STAU1: variants seen among roughly 807,000 people sequenced by gnomAD.
The protein encoded by STAU1 is double-stranded RNA-binding protein Staufen homolog 1.
A neutral mutation model predicts 62.9 loss-of-function variants in STAU1; 13 were observed. The observed-to-expected ratio is 0.21, with a 90% CI of 0.13 to 0.33. STAU1 has a LOEUF of 0.33. STAU1 is among the 10% of genes least tolerant of loss of function. The probability of loss-of-function intolerance (pLI) is 1.00; values close to 1 mark genes in which losing one functional copy is unlikely to be tolerated. For synonymous variants in STAU1, 269 were observed against 265.1 expected, an observed-to-expected ratio of 1.01 and a Z score of -0.14; for missense variants, 571 against 712.1, an observed-to-expected ratio of 0.80 and a Z score of 2.25.
the STAU1 span, chr20:49,219,202 C>A: frequency 4.2e-6 from 3 of 706,186 alleles, no homozygotes; most frequent in East Asian, 2.8e-5. Context: ...ATACTGCCAC[C>A]GTTTTGAGGC....
At chr20:49,136,773 C>T (rs764024590) in intron 5 of STAU1, among the ~76,000 whole-genome samples, 1 of 152,112 alleles carries the variant, frequency 6.6e-6, no homozygotes, top group Non-Finnish European at 1.5e-5. Context: ...TTTTGGCTCA[C>T]TGCTACCTCC....
chr20:49,132,654 G>C (rs1021296704), intron 6 of STAU1, among the ~76,000 whole-genome samples: 16 of 152,102 alleles, frequency 1.1e-4, no homozygotes, highest in African/African-American at 3.6e-4. Flanking sequence ...AGCTACTCAG[G>C]GGGCTGAGGC....
chr20:49,157,623 G>A (rs1429344625), intron 3 of STAU1, among the ~76,000 whole-genome samples: 1 of 152,122 alleles, frequency 6.6e-6, no homozygotes, highest in Non-Finnish European at 1.5e-5. Context: ...GGGACTACAG[G>A]CATGCACCAC....
chr20:49,126,574 C>CAAAAAAAAAAAAAAAAAAAAAAA (rs58056780), intron 6 of STAU1, among the ~76,000 whole-genome samples: 1 of 25,032 alleles, frequency 4.0e-5, no homozygotes, highest in African/African-American at 1.4e-4. Context: ...TCTCAAAAAG[C>CAAAAAAAAAAAAAAAAAAAAAAA]AAAAAAAAAA....
chr20:49,163,720 C>T (rs1010881250), intron 3 of STAU1, among the ~76,000 whole-genome samples: 1 of 152,108 alleles, frequency 6.6e-6, no homozygotes, highest in Non-Finnish European at 1.5e-5. Flanking sequence ...CCACTGCAAC[C>T]GGCAAGGTAC....
chr20:49,174,437 G>T (rs752208309), intron 1 of STAU1, among the ~76,000 whole-genome samples, 168 bp from the exon 2 acceptor site: 21 of 152,188 alleles, frequency 1.4e-4, no homozygotes, highest in Non-Finnish European at 2.5e-4. Flanking sequence ...AGACACAAGC[G>T]GCCAGACATG....
intron 3 of STAU1, among the ~76,000 whole-genome samples, chr20:49,156,137 G>C (rs1410851644): frequency 1.3e-5 from 2 of 152,230 alleles, no homozygotes; most frequent in East Asian, 3.9e-4. Context: ...CTGGCAATAA[G>C]CACTTCTGAC....
chr20:49,168,935 C>T (rs576025981), intron 2 of STAU1, among the ~76,000 whole-genome samples: 2 of 151,990 alleles, frequency 1.3e-5, no homozygotes, highest in African/African-American at 4.8e-5. Flanking sequence ...TCTCGAAAGG[C>T]CCTAAAAAAT....
At chr20:49,189,201 CAAAAAAAAAAAAAAAAAAAA>C (rs545643816), upstream of STAU1, among the ~76,000 whole-genome samples, 90 of 33,616 alleles carry the variant, frequency 2.7e-3, no homozygotes, top group South Asian at 0.012. Flanking sequence ...ACACTGGTCT[CAAAAAAAAAAAAAAAAAAAA>C]AAAAAAAAAA....
rs376059207 is a variant in STAU1, at chr20:49,138,648, T to C, written c.511-2717A>G. 4.6e-5 allele frequency among the ~76,000 whole-genome samples: 7 copies of C among 152,210 alleles called. No individual in the cohort carries two copies. In the East Asian group the frequency reaches 7.7e-4, roughly 17 times the overall value. The stretch of plus-strand genomic sequence containing the variant: ...TCCTGAGTAGCTGGGACTACTGGCA[T>C]AGGCACCACTCCCAGCTATTTTTTT... On this transcript the variant is annotated intron_variant, in intron 5 of 13. Transcript: ENST00000371856.
At chr20:49,194,996 C>G in the STAU1 span, among the ~76,000 whole-genome samples, 1 of 151,826 alleles carries the variant, frequency 6.6e-6, no homozygotes, top group Admixed American at 6.6e-5. Context: ...AGAATTCCTG[C>G]AAGAATGTTT....
chr20:49,155,034 C>T (rs190137187), intron 3 of STAU1, among the ~76,000 whole-genome samples: 6 of 151,892 alleles, frequency 4.0e-5, no homozygotes, highest in Admixed American at 2.0e-4. Flanking sequence ...TGCAGTGAGT[C>T]GAGATTGCGT....
the STAU1 span, among the ~76,000 whole-genome samples, chr20:49,217,149 C>T: frequency 6.6e-6 from 1 of 152,096 alleles, no homozygotes. Context: ...GAAAAACAAG[C>T]AACCCCCCAC....
rs138869345 is a variant in STAU1, at chr20:49,142,807, A to C, written c.511-6876T>G. On this transcript the variant is annotated intron_variant, in intron 5 of 13. Transcript: ENST00000371856. Reference sequence around the variant, plus strand: ...TGAAATTATTTTGCTCTTTTACACAATTTTTTTCTTTTGAGACAGGGCCTC... The same window carrying C: ...TGAAATTATTTTGCTCTTTTACACACTTTTTTTCTTTTGAGACAGGGCCTC... 7.5e-4 allele frequency among the ~76,000 whole-genome samples: 114 copies of C among 152,048 alleles called. 4 individuals carry two copies. In the East Asian group the frequency reaches 0.015, roughly 21 times the overall value.
Position 49,172,978 on chromosome 20 carries a change from C to T in STAU1, c.-85+1217G>A, listed in dbSNP as rs150820429. ...CTGCAAGCTCTGCCTCCCGGGTTCA[C>T]GCCATTCTCCCGCCCCCCAACACCT... On this transcript the variant is annotated intron_variant, in intron 2 of 13. Coordinates refer to ENST00000371856, the MANE Select transcript of STAU1 (RefSeq NM_017453.4). Among the ~76,000 whole-genome samples the T allele has an allele frequency of 8.7e-3, 1,146 of 131,456 alleles. 14 individuals carry two copies. The highest frequency in any genetic ancestry group is 0.029 in the African/African-American group (1,091 of 37,216). 86.2% of individuals were successfully genotyped at this position (131,456 alleles called of 152,430 possible). A position where few individuals can be genotyped will look rare whatever the true frequency, so the allele number is the denominator to read the frequency against.
Position 49,180,393 on chromosome 20 carries a change from A to G in STAU1, c.-159-6124T>C, listed in dbSNP as rs542717813. ...GGCTGAAGTGCAGCGGCACGATGTC[A>G]GGTCACTGCAAACTCCACCTCCCGG... On this transcript the variant is annotated intron_variant, in intron 1 of 13. Coordinates refer to ENST00000371856, the MANE Select transcript of STAU1 (RefSeq NM_017453.4). Among the ~76,000 whole-genome samples, 442 of 150,432 alleles carry G rather than the reference A, an allele frequency of 2.9e-3. 1 individual carries two copies. Among genetic ancestry groups the G allele is most frequent in the Non-Finnish European group, 4.3e-3 (291 of 67,840 alleles).
intron 1 of STAU1, among the ~76,000 whole-genome samples, chr20:49,181,345 C>G (rs1303138034): frequency 6.6e-6 from 1 of 152,080 alleles, no homozygotes; most frequent in Non-Finnish European, 1.5e-5. Flanking sequence ...TAAACCTGTC[C>G]TTACACATAA....
chr20:49,194,256 C>T, the STAU1 span, among the ~76,000 whole-genome samples: 1 of 151,590 alleles, frequency 6.6e-6, no homozygotes, highest in African/African-American at 2.4e-5. Flanking sequence ...ATGGAGAAAC[C>T]CCGTCTCTAC....
chr20:49,206,719 TTATATATATATATA>T, the STAU1 span, among the ~76,000 whole-genome samples: 50 of 106,038 alleles, frequency 4.7e-4, no homozygotes, highest in East Asian at 6.1e-3. Flanking sequence ...AAATGAAATT[TTATATATATATATA>T]TATATATATA....
Sources: gnomAD v4.1 joint callset for allele counts (sites outside exome capture counted in the v4.1 genomes callset) on GRCh38, gnomAD v4.1.1 for gene constraint, MANE v1.5 for transcripts, NCBI Gene and HGNC (gene_info 2026-07-23, HGNC 2026-07-21) for gene names.